ANKRD13C: variants seen among roughly 807,000 people sequenced by gnomAD.
The protein encoded by ANKRD13C is ankyrin repeat domain 13C, also known as ankyrin repeat domain-containing protein 13C.
In ANKRD13C, 16 loss-of-function variants were observed where a neutral mutation model predicts 65.5. That is an observed-to-expected ratio of 0.24 (90% CI 0.17 to 0.37). The LOEUF (loss-of-function observed/expected upper bound fraction) is 0.37. Ranked by LOEUF, ANKRD13C falls within the 10% of genes least tolerant of loss-of-function variation. ANKRD13C has a pLI of 1.00. For missense variants in ANKRD13C, 503 were observed against 655.9 expected, an observed-to-expected ratio of 0.77 and a Z score of 2.55; for synonymous variants, 235 against 238.7, an observed-to-expected ratio of 0.98 and a Z score of 0.14.
chr1:70,309,128 C>T (rs974960617), intron 5 of ANKRD13C, among the ~76,000 whole-genome samples: 65 of 151,434 alleles, frequency 4.3e-4, no homozygotes, highest in Non-Finnish European at 9.0e-4. Context: ...CTACAAACTC[C>T]GCCTCCCAGG....
chr1:70,294,878 C>T (rs776684156), intron 8 of ANKRD13C, among the ~76,000 whole-genome samples: 2 of 152,050 alleles, frequency 1.3e-5, no homozygotes, highest in Non-Finnish European at 2.9e-5. Context: ...GCACAATATC[C>T]ACTCTTTACT....
intron 4 of ANKRD13C, among the ~76,000 whole-genome samples, chr1:70,314,311 T>G (rs1680980662): frequency 6.6e-6 from 1 of 151,824 alleles, no homozygotes; most frequent in Non-Finnish European, 1.5e-5. Context: ...CTCTGCCTCC[T>G]GGGTTCAAGC....
At chr1:70,313,019 A>C (rs1316375418) in intron 5 of ANKRD13C, among the ~76,000 whole-genome samples, 1 of 152,230 alleles carries the variant, frequency 6.6e-6, no homozygotes, top group Non-Finnish European at 1.5e-5. Context: ...AAAATAACGG[A>C]AAGACAACAA....
rs967645856 is a variant in ANKRD13C, at chr1:70,297,255, T to G, written c.922-994A>C. Among the ~76,000 whole-genome samples the G allele has an allele frequency of 8.7e-5, 13 of 150,278 alleles. No homozygotes were observed. The East Asian group carries it at 2.2e-3, about 26-fold the overall frequency. ...GAGGCCCATTTTCTATTCTTCACCA[T>G]CTAACTTTAACCTACATAGAGTCCC... On this transcript the variant is annotated intron_variant, in intron 7 of 12. Coordinates refer to ENST00000370944, the MANE Select transcript of ANKRD13C (RefSeq NM_030816.5).
intron 9 of ANKRD13C, among the ~76,000 whole-genome samples, chr1:70,290,806 C>T (rs1392780857): frequency 1.3e-5 from 2 of 152,086 alleles, no homozygotes; most frequent in Non-Finnish European, 2.9e-5. Context: ...AATCCTCCCA[C>T]CTTGGCCTCC....
intron 9 of ANKRD13C, among the ~76,000 whole-genome samples, chr1:70,285,247 C>G (rs1679569003): frequency 7.5e-6 from 1 of 132,538 alleles, no homozygotes; most frequent in Admixed American, 8.9e-5. Context: ...GGCTGGAGTG[C>G]AGTAGCATGA....
At chr1:70,308,276 A>G (rs1680672712) in intron 5 of ANKRD13C, among the ~76,000 whole-genome samples, 3 of 152,156 alleles carry the variant, frequency 2.0e-5, no homozygotes, top group African/African-American at 4.8e-5. Context: ...AATTACAGGC[A>G]CAAGCCACCA....
chr1:70,288,167 C>T (rs1039784775), intron 9 of ANKRD13C, among the ~76,000 whole-genome samples: 3 of 152,138 alleles, frequency 2.0e-5, no homozygotes, highest in African/African-American at 7.2e-5. Flanking sequence ...TATCATTAGC[C>T]ATTAGGAAAA....
At chr1:70,345,587 G>A (rs574863615) in intron 1 of ANKRD13C, among the ~76,000 whole-genome samples, 17 of 152,140 alleles carry the variant, frequency 1.1e-4, no homozygotes, top group South Asian at 2.1e-4. Flanking sequence ...GAAAAACACC[G>A]GTTGACCAGG....
chr1:70,329,757 G>T (rs893462498), intron 2 of ANKRD13C, among the ~76,000 whole-genome samples: 2 of 151,576 alleles, frequency 1.3e-5, no homozygotes, highest in African/African-American at 4.9e-5. Context: ...GATAATCATA[G>T]ATATGCTAAT....
At chr1:70,301,027 G>T in intron 6 of ANKRD13C, 119 bp from the exon 7 acceptor site, 1 of 1,013,784 alleles carries the variant, frequency 9.9e-7, no homozygotes, top group Non-Finnish European at 1.3e-6. Context: ...ATATTGCAAA[G>T]TCAAATTTAT....
At chr1:70,265,940 A>AGAAGGAAGGAAGGAAG (rs372808790) in intron 12 of ANKRD13C, among the ~76,000 whole-genome samples, 121 of 151,026 alleles carry the variant, frequency 8.0e-4, no homozygotes, top group African/African-American at 2.9e-3. Context: ...AAGGGAGGGA[A>AGAAGGAAGGAAGGAAG]GAAGGAAGGA....
chr1:70,306,144 G>T, intron 6 of ANKRD13C, 80 bp downstream of exon 6: 1 of 969,694 alleles, frequency 1.0e-6, no homozygotes, highest in South Asian at 2.0e-5. Context: ...TAAAACACAT[G>T]TAAGTTATGA....
rs1163336536 is a variant in ANKRD13C at position 70,354,574 on chromosome 1, C to T, written c.-166G>A. Reference sequence around the variant, plus strand: ...GACAAACGCATCTCCCGGGGAAGAGCCGGCTCTCGCCTAGGCACGAAGGGA... The same window carrying T: ...GACAAACGCATCTCCCGGGGAAGAGTCGGCTCTCGCCTAGGCACGAAGGGA... On this transcript the variant is annotated 5_prime_UTR_variant, in exon 1 of 13. Transcript: ENST00000370944. 4.2e-6 allele frequency: 6 copies of T among 1,416,298 alleles called. No homozygotes were observed. The highest frequency in any genetic ancestry group is 5.5e-6 in the Non-Finnish European group (6 of 1,083,192). The allele number at this position is 1,416,298 out of a possible 1,614,324, so 87.7% of individuals were successfully genotyped here. A position where few individuals can be genotyped will look rare whatever the true frequency, so the allele number is the denominator to read the frequency against.
At chr1:70,321,184 CAT>C (rs1308771123) in intron 3 of ANKRD13C, among the ~76,000 whole-genome samples, 17 of 152,242 alleles carry the variant, frequency 1.1e-4, no homozygotes, top group African/African-American at 3.9e-4. Flanking sequence ...AATAAGATAA[CAT>C]ATGCATGACT....
intron 1 of ANKRD13C, among the ~76,000 whole-genome samples, chr1:70,352,234 G>A (rs1236767790): frequency 6.6e-6 from 1 of 151,478 alleles, no homozygotes; most frequent in African/African-American, 2.4e-5. Context: ...CAGCTACTCA[G>A]GAGGCTGAGG....
Position 70,354,642 on chromosome 1 carries a change from A to G in ANKRD13C, c.-234T>C. ...AAGCTAGAACTCAGGTGCCCACGAC[A>G]CCAGGATCTCAGTCTCGCCGTCGCA... On this transcript the variant is annotated 5_prime_UTR_variant, in exon 1 of 13. Transcript: ENST00000370944. 2.0e-6 allele frequency: 2 copies of G among 1,011,500 alleles called. No homozygotes were observed. Among genetic ancestry groups the G allele is most frequent in the Non-Finnish European group, 2.8e-6 (2 of 715,122 alleles). 62.7% of individuals were successfully genotyped at this position (1,011,500 alleles called of 1,614,324 possible).
intron 9 of ANKRD13C, among the ~76,000 whole-genome samples, chr1:70,288,282 T>G (rs1679708892): frequency 6.6e-6 from 1 of 152,128 alleles, no homozygotes; most frequent in African/African-American, 2.4e-5. Context: ...ACTGGATCAT[T>G]CATACACTGC....
intron 9 of ANKRD13C, among the ~76,000 whole-genome samples, chr1:70,288,455 A>T (rs1236647782): frequency 2.0e-5 from 3 of 152,202 alleles, no homozygotes; most frequent in Admixed American, 1.3e-4. Flanking sequence ...TGTTTTTTGC[A>T]GCTTAATTCA....
Sources: gnomAD v4.1 joint callset for allele counts (sites outside exome capture counted in the v4.1 genomes callset) on GRCh38, gnomAD v4.1.1 for gene constraint, MANE v1.5 for transcripts, NCBI Gene and HGNC (gene_info 2026-07-23, HGNC 2026-07-21) for gene names.